CEP131: variants seen among roughly 807,000 people sequenced by gnomAD.
The protein encoded by CEP131 is centrosomal protein 131, also known as centrosomal protein of 131 kDa.
A neutral mutation model predicts 136.8 loss-of-function variants in CEP131; 99 were observed. That is an observed-to-expected ratio of 0.72 (90% CI 0.62 to 0.86). The LOEUF is 0.86. CEP131 is among the 40% of genes least tolerant of loss of function. CEP131 has a pLI of 0.00. For missense variants in CEP131, 1,459 were observed against 1,463.0 expected (o/e 1.00, Z 0.04); for synonymous variants, 646 against 612.7 (o/e 1.05, Z -0.80).
Position 81,192,584 on chromosome 17 carries a change from C to G in CEP131, c.2439G>C (p.Ala813=), listed in dbSNP as rs3744150. ...RLGQQAARQR[A]ELEELRQQLE... ...GCTGCTGCCTCAGCTCTTCCAGCTC[C>G]GCCCGCTGCCTGCGGCCAGGGAGGA... Residue 813 remains alanine, a synonymous_variant, in exon 20 of 26, where the codon GCG becomes GCC. Coordinates refer to ENST00000450824, the MANE Select transcript of CEP131 (RefSeq NM_014984.4). 3 of 1,607,120 alleles carry G rather than the reference C, an allele frequency of 1.9e-6. No homozygotes were observed. In the Admixed American group the frequency reaches 5.0e-5, roughly 27 times the overall value.
At chr17:81,201,311 G>A (rs1011660195) in intron 7 of CEP131, among the ~76,000 whole-genome samples, 4 of 152,184 alleles carry the variant, frequency 2.6e-5, no homozygotes, top group South Asian at 2.1e-4. Context: ...GGTAGGTGAC[G>A]GCTCCGCCAG....
chr17:81,190,907 C>T lies in CEP131; in HGVS notation c.2943G>A (p.Ala981=), dbSNP rs2279922. Residue 981 remains alanine (A), a splice_region_variant and synonymous_variant, in exon 23 of 26, where the codon GCG becomes GCA. Coordinates refer to ENST00000450824, the MANE Select transcript of CEP131 (RefSeq NM_014984.4). Reference sequence around the variant, plus strand: ...GCCCACCTGACACCCGCCCACTCACCGCCTGCGCATCCTCCAGCGCCCGCT... The same window carrying T: ...GCCCACCTGACACCCGCCCACTCACTGCCTGCGCATCCTCCAGCGCCCGCT... ...QKERALEDAQ[A]VNEQLSSERS... is the part of the protein sequence containing the mutation. 0.011 allele frequency: 17,117 copies of T among 1,602,368 alleles called. 562 individuals carry two copies. The East Asian group carries it at 0.11, about 10-fold the overall frequency.
rs2061945789 is a variant in CEP131, at chr17:81,203,739, T to C, written c.516-132A>G. ...TGCTTGCTACGTGCTGGCAGCATTG[T>C]CGTCCAGTGTCCCCAGGCCCCTTCC... On this transcript the variant is annotated intron_variant, in intron 5 of 25. Coordinates refer to ENST00000450824, the MANE Select transcript of CEP131 (RefSeq NM_014984.4). This position sits in a 1 kb window ranked among gnomAD's most constrained non-coding sequence, Gnocchi z 4.6. 1.5e-6 allele frequency: 1 copy of C among 674,490 alleles called. No individual in the cohort carries two copies. 41.8% of individuals were successfully genotyped at this position (674,490 alleles called of 1,614,324 possible).
chr17:81,210,984 G>C (rs75396796), intron 2 of CEP131, among the ~76,000 whole-genome samples: 5,831 of 152,242 alleles, frequency 0.038, 314 homozygotes, highest in African/African-American at 0.12. Context: ...GGCGGCAGCA[G>C]AGCCGGTTAA....
intron 5 of CEP131, chr17:81,204,019 C>A (rs1178265090): frequency 5.7e-6 from 1 of 175,138 alleles, no homozygotes; most frequent in South Asian, 1.3e-4. Flanking sequence ...AGGACAGGAC[C>A]AATACCGAGG....
At position 81,190,994 on chromosome 17, in the gene CEP131, C is replaced by T. The variant is rs376750143; in HGVS notation, c.2856G>A (p.Lys952=). 5.7e-5 allele frequency: 92 copies of T among 1,608,678 alleles called. No individual in the cohort carries two copies. The highest frequency in any genetic ancestry group is 7.5e-5 in the Non-Finnish European group (89 of 1,179,926). The part of the protein sequence containing the change: ...RKLQERCSEL[K]GQLGEAEGEN... The stretch of plus-strand genomic sequence containing the variant: ...CGCCCTCGGCCTCCCCAAGCTGGCC[C>T]TTCAGCTCCGAGCACCGCTCCTGAA... The change falls in exon 23 of 26, where the codon AAG becomes AAA. Residue 952 remains lysine, a synonymous_variant. Coordinates refer to ENST00000450824, the MANE Select transcript of CEP131 (RefSeq NM_014984.4).
chr17:81,194,458 C>T (rs2061711164), intron 17 of CEP131, among the ~76,000 whole-genome samples: 1 of 152,200 alleles, frequency 6.6e-6, no homozygotes, highest in Non-Finnish European at 1.5e-5. Flanking sequence ...GTCCGAGGCC[C>T]CTTCAGACCA....
chr17:81,220,423 C>T (rs1022670398), intron 1 of CEP131, among the ~76,000 whole-genome samples: 2 of 152,190 alleles, frequency 1.3e-5, no homozygotes, highest in East Asian at 1.9e-4. Flanking sequence ...TACCCCACAC[C>T]GTGATTCTGA....
At position 81,208,823 on chromosome 17, in the gene CEP131, G is replaced by A; in HGVS notation, c.272+105C>T. The A allele has an allele frequency of 1.1e-6, 1 of 888,360 alleles. No individual in the cohort carries two copies. Among genetic ancestry groups the A allele is most frequent in the Admixed American group, 2.3e-5 (1 of 42,562 alleles). The allele number at this position is 888,360 out of a possible 1,614,324, so 55.0% of individuals were successfully genotyped here. ...CTAGCCAGCAAGGGCCCGGGACCCA[G>A]GAGGCTGGAGGAAGGGCAGAGCAGA... On this transcript the variant is annotated intron_variant, in intron 3 of 25. Transcript: ENST00000450824. The surrounding 1 kb of genome is among the most constrained non-coding windows in gnomAD (Gnocchi z 5.6).
chr17:81,205,059 G>T (rs1027632431), intron 5 of CEP131, among the ~76,000 whole-genome samples: 1 of 152,056 alleles, frequency 6.6e-6, no homozygotes, highest in Non-Finnish European at 1.5e-5. Flanking sequence ...AGGGGTTCGA[G>T]ACCAGTCTGG....
chr17:81,212,757 C>T (rs1350726779), intron 2 of CEP131, among the ~76,000 whole-genome samples: 1 of 152,088 alleles, frequency 6.6e-6, no homozygotes, highest in African/African-American at 2.4e-5. Flanking sequence ...GGGGAGGTTA[C>T]AATCAGCAAG....
Position 81,211,512 on chromosome 17 carries a change from G to C in CEP131, c.178-2490C>G, listed in dbSNP as rs140690375. ...TGGAGGAGCTGAAGAGACGCAGAAG[G>C]GGCAGCAGGCAGAAGCCACCCATGC... On this transcript the variant is annotated intron_variant, in intron 2 of 25. Transcript: ENST00000450824. Among the ~76,000 whole-genome samples, 1,421 of 152,320 alleles carry C rather than the reference G, an allele frequency of 9.3e-3. 14 individuals are homozygous for C. Among genetic ancestry groups the C allele is most frequent in the African/African-American group, 0.033 (1,352 of 41,562 alleles).
chr17:81,206,941 C>T, intron 4 of CEP131, 70 bp from the exon 5 acceptor site: 1 of 1,566,492 alleles, frequency 6.4e-7, no homozygotes, highest in Non-Finnish European at 8.6e-7. Context: ...CTGCCTCTCC[C>T]ACAAACGGGA....
rs144737650 is a variant in CEP131 at position 81,203,530 on chromosome 17, G to A, written c.593C>T (p.Pro198Leu). 2.9e-5 allele frequency: 46 copies of A among 1,608,410 alleles called. No individual in the cohort carries two copies. In the African/African-American group the frequency reaches 4.8e-4, roughly 17 times the overall value. ...NRYTPSERAPPLKSSNQTAPS... is the reference protein window; with the variant it reads ...NRYTPSERAPLLKSSNQTAPS... Reference sequence around the variant, plus strand: ...GGCAGTCTGGTTGGAGCTCTTGAGCGGAGGCGCCCTCTCCGAGGGGGTGTA... The same window carrying A: ...GGCAGTCTGGTTGGAGCTCTTGAGCAGAGGCGCCCTCTCCGAGGGGGTGTA... Residue 198 changes from proline to leucine, a missense_variant, in exon 6 of 26, where the codon CCG becomes CTG. Pro to Leu is a moderately conservative substitution (Grantham distance 98). This residue lies in a region of CEP131 where 246 missense variants were observed against 318.9 expected (regional missense o/e 0.77). Coordinates refer to ENST00000450824, the MANE Select transcript of CEP131 (RefSeq NM_014984.4). The surrounding 1 kb of genome is among the most constrained non-coding windows in gnomAD (Gnocchi z 4.6).
At position 81,211,019 on chromosome 17, in the gene CEP131, G is replaced by A. The variant is rs189568173; in HGVS notation, c.178-1997C>T. ...AAGGAGGCCAGACAGAGGCCACTGT[G>A]AGGTCTGGGGGTGGAAATCCCACGA... On this transcript the variant is annotated intron_variant, in intron 2 of 25. Transcript: ENST00000450824. Among the ~76,000 whole-genome samples, 505 of 152,296 alleles carry A rather than the reference G, an allele frequency of 3.3e-3. 1 individual carries two copies. The highest frequency in any genetic ancestry group is 0.011 in the African/African-American group (470 of 41,564).
At chr17:81,193,650 G>A (rs1482016651) in intron 18 of CEP131, among the ~76,000 whole-genome samples, 1 of 152,148 alleles carries the variant, frequency 6.6e-6, no homozygotes, top group Non-Finnish European at 1.5e-5. Flanking sequence ...GATGTCTGGT[G>A]GGGGTTCCCA....
chr17:81,209,328 A>T (rs2062083419), intron 2 of CEP131, among the ~76,000 whole-genome samples: 1 of 152,246 alleles, frequency 6.6e-6, no homozygotes, highest in South Asian at 2.1e-4. Context: ...ACCAGCTCCC[A>T]GGAACCGCGA....
chr17:81,210,611 A>G (rs1227006517), intron 2 of CEP131, among the ~76,000 whole-genome samples: 1 of 152,044 alleles, frequency 6.6e-6, no homozygotes, highest in Non-Finnish European at 1.5e-5. Flanking sequence ...ATTTCAGGGG[A>G]AAGGGCTCAC....
At chr17:81,218,975 C>G (rs906244792) in intron 2 of CEP131, among the ~76,000 whole-genome samples, 1 of 152,244 alleles carries the variant, frequency 6.6e-6, no homozygotes, top group Non-Finnish European at 1.5e-5. Context: ...GGCCCCCAGG[C>G]CCTTGCTATT....
Sources: allele counts gnomAD v4.1 joint callset (sites outside exome capture counted in the v4.1 genomes callset), GRCh38; gene constraint gnomAD v4.1.1; regional missense constraint gnomAD v4.1.1; non-coding constraint Gnocchi (gnomAD v3.1); transcripts MANE v1.5; gene names NCBI Gene and HGNC (gene_info 2026-07-23, HGNC 2026-07-21).